Variants in MERTK observed in about 807,000 individuals in gnomAD.
MERTK encodes MER proto-oncogene, tyrosine kinase.
In MERTK, 69 loss-of-function variants were observed where a neutral mutation model predicts 99.3. That is an observed-to-expected ratio of 0.70 (90% CI 0.57 to 0.85). The LOEUF is 0.85. MERTK is among the 40% of genes least tolerant of loss of function. The pLI, the probability that MERTK is intolerant of heterozygous loss-of-function variation, is 0.00. For synonymous variants in MERTK, 426 were observed against 467.6 expected, an observed-to-expected ratio of 0.91 and a Z score of 1.15; for missense variants, 1,125 against 1,249.4, an observed-to-expected ratio of 0.90 and a Z score of 1.50.
At chr2:111,930,505 C>G (rs764741712) in intron 2 of MERTK, 2 of 152,514 alleles carry the variant, frequency 1.3e-5, no homozygotes, top group Non-Finnish European at 2.9e-5. Flanking sequence ...GTGCAGCTCT[C>G]TCGTCCCTTC....
chr2:111,957,878 G>A (rs192357614), intron 4 of MERTK, among the ~76,000 whole-genome samples: 97 of 152,232 alleles, frequency 6.4e-4, no homozygotes, highest in African/African-American at 2.1e-3. Flanking sequence ...GTTAATTTGC[G>A]GGATTGCTTA....
In MERTK at chr2:111,929,204, C is replaced by T. The variant is rs567766808; in HGVS notation, c.146C>T (p.Pro49Leu). 136 of 1,614,174 alleles carry T rather than the reference C, an allele frequency of 8.4e-5. No homozygotes were observed. Among genetic ancestry groups the T allele is most frequent in the Non-Finnish European group, 9.4e-5 (111 of 1,180,020 alleles). The change falls in exon 2 of 19, where the codon CCG becomes CTG. Residue 49 changes from proline to leucine, a missense_variant. By Grantham distance (98) the Pro-to-Leu change is moderately conservative (BLOSUM62 -3). Transcript: ENST00000295408. ...GGGAGCCTGCAAACTGACCACACAC[C>T]GCTGTTATCCCTTCCTCACGCCAGT... ...FPGSLQTDHT[P>L]LLSLPHASGY... is the part of the protein sequence containing the mutation.
chr2:111,957,549 AT>A (rs1685172809), intron 4 of MERTK, among the ~76,000 whole-genome samples: 1 of 152,018 alleles, frequency 6.6e-6, no homozygotes, highest in African/African-American at 2.4e-5. Context: ...CATAGTACTT[AT>A]CACCTTCTAA....
chr2:111,951,333 C>G (rs906053790), intron 4 of MERTK, among the ~76,000 whole-genome samples: 84 of 151,926 alleles, frequency 5.5e-4, no homozygotes, highest in African/African-American at 1.9e-3. Flanking sequence ...TCCACCCACC[C>G]TTTTAAACCA....
intron 2 of MERTK, among the ~76,000 whole-genome samples, chr2:111,933,139 G>A (rs1684703985): frequency 1.3e-5 from 2 of 152,194 alleles, no homozygotes; most frequent in Non-Finnish European, 2.9e-5. Flanking sequence ...AAGAGAGGAT[G>A]ATGTTGGAGT....
rs1433036215 is a variant in MERTK at position 111,944,999 on chromosome 2, C to A, written c.522C>A (p.Ile174=). The A allele has an allele frequency of 1.9e-6, 3 of 1,613,698 alleles. No homozygotes were observed. The highest frequency in any genetic ancestry group is 2.5e-6 in the Non-Finnish European group (3 of 1,179,848). The change falls in exon 3 of 19, where the codon ATC becomes ATA. Residue 174 remains isoleucine (I), a synonymous_variant. Transcript: ENST00000295408. Reference sequence around the variant, plus strand: ...AGCGTTCAGACAATGGGTCGTATATCTGTAAGATGAAAATAAACAATGAAG... The same window carrying A: ...AGCGTTCAGACAATGGGTCGTATATATGTAAGATGAAAATAAACAATGAAG... ...SVQRSDNGSY[I]CKMKINNEEI...
chr2:111,938,419 A>T (rs976717326), intron 2 of MERTK, among the ~76,000 whole-genome samples: 17 of 152,304 alleles, frequency 1.1e-4, no homozygotes, highest in Admixed American at 3.3e-4. Flanking sequence ...GTGGCATCAT[A>T]CAATATTTGT....
At chr2:111,968,365 G>A (rs1345947719) in intron 6 of MERTK, 113 bp downstream of exon 6, 2 of 820,612 alleles carry the variant, frequency 2.4e-6, no homozygotes, top group Non-Finnish European at 4.2e-6. Flanking sequence ...TCTGTACAGA[G>A]TCCCCTGACC....
At chr2:112,027,638 G>A (rs1677494690) in intron 18 of MERTK, among the ~76,000 whole-genome samples, 1 of 152,064 alleles carries the variant, frequency 6.6e-6, no homozygotes. Flanking sequence ...CTGAATCCCT[G>A]GCTACCCACA....
At chr2:111,900,049 G>A (rs1458173159) in intron 1 of MERTK, among the ~76,000 whole-genome samples, 2 of 152,056 alleles carry the variant, frequency 1.3e-5, no homozygotes, top group Admixed American at 6.5e-5. Context: ...CAGCTAAAAG[G>A]TTTCTATTTC....
chr2:112,029,251 ATAT>A lies in MERTK; in HGVS notation c.*389_*391del, dbSNP rs1677532693. On this transcript the variant is annotated 3_prime_UTR_variant, in exon 19 of 19. Transcript: ENST00000295408. ...AAAAATATTTGTAAAATGAAATGCC[ATAT>A]TTGACTTGGCTTCTGGTCTTGATGT... 1 of 986,780 alleles carries A rather than the reference ATAT, an allele frequency of 1.0e-6. No homozygotes were observed. Among genetic ancestry groups the A allele is most frequent in the Non-Finnish European group, 1.2e-6 (1 of 825,258 alleles). 61.1% of individuals were successfully genotyped at this position (986,780 alleles called of 1,614,324 possible). A position where few individuals can be genotyped will look rare whatever the true frequency, so the allele number is the denominator to read the frequency against.
intron 1 of MERTK, among the ~76,000 whole-genome samples, chr2:111,918,142 G>C (rs1418684330): frequency 6.6e-6 from 1 of 151,984 alleles, no homozygotes; most frequent in Non-Finnish European, 1.5e-5. Context: ...TCAGAGTTTT[G>C]AAAATGCTTA....
At chr2:111,981,576 T>C (rs769027739) in intron 7 of MERTK, among the ~76,000 whole-genome samples, 3 of 152,168 alleles carry the variant, frequency 2.0e-5, no homozygotes, top group Non-Finnish European at 4.4e-5. Context: ...CTGCAATGAA[T>C]ATAACATCAC....
At position 111,944,992 on chromosome 2, in the gene MERTK, C is replaced by G. The variant is rs143570667; in HGVS notation, c.515C>G (p.Ser172Trp). The G allele has an allele frequency of 3.3e-5, 53 of 1,613,448 alleles. No homozygotes were observed. The highest frequency in any genetic ancestry group is 4.4e-5 in the Non-Finnish European group (52 of 1,179,768). The change falls in exon 3 of 19, where the codon TCG becomes TGG. Residue 172 changes from serine to tryptophan, a missense_variant. Ser to Trp is a radical substitution (Grantham distance 177). Transcript: ENST00000295408. ...ITSVQRSDNG[S>W]YICKMKINNE... ...AGTGTGCAGCGTTCAGACAATGGGTCGTATATCTGTAAGATGAAAATAAAC... is the reference window on the plus strand; with the variant it reads ...AGTGTGCAGCGTTCAGACAATGGGTGGTATATCTGTAAGATGAAAATAAAC...
chr2:111,981,701 C>T (rs937469215), intron 7 of MERTK, among the ~76,000 whole-genome samples: 2 of 151,776 alleles, frequency 1.3e-5, no homozygotes, highest in Admixed American at 1.3e-4. Flanking sequence ...ATGATCTTGA[C>T]TTGTTTCCCA....
At chr2:112,005,167 A>G (rs1352168972) in intron 13 of MERTK, among the ~76,000 whole-genome samples, 1 of 151,968 alleles carries the variant, frequency 6.6e-6, no homozygotes, top group African/African-American at 2.4e-5. Context: ...TCCTGGGTTC[A>G]GGTGATTCTC....
chr2:111,950,318 T>G (rs1208434864), intron 4 of MERTK, among the ~76,000 whole-genome samples: 1 of 152,222 alleles, frequency 6.6e-6, no homozygotes, highest in African/African-American at 2.4e-5. Context: ...GGTAAACATT[T>G]TGGATATTTG....
chr2:111,941,690 A>G (rs1398013762), intron 2 of MERTK, among the ~76,000 whole-genome samples: 1 of 152,050 alleles, frequency 6.6e-6, no homozygotes, highest in Non-Finnish European at 1.5e-5. Flanking sequence ...TTGGATGTCT[A>G]GAAAGCGACA....
chr2:111,901,824 G>A (rs1052499362), intron 1 of MERTK, among the ~76,000 whole-genome samples: 1 of 151,650 alleles, frequency 6.6e-6, no homozygotes, highest in African/African-American at 2.4e-5. Flanking sequence ...CAGAGTGTGG[G>A]GATTATAGGC....
Sources: gnomAD v4.1 joint callset for allele counts (sites outside exome capture counted in the v4.1 genomes callset) on GRCh38, gnomAD v4.1.1 for gene constraint, MANE v1.5 for transcripts, NCBI Gene and HGNC (gene_info 2026-07-23, HGNC 2026-07-21) for gene names.